ADGRA2: variants seen among roughly 807,000 people sequenced by gnomAD.
ADGRA2 encodes G-protein coupled receptor 124.
ADGRA2 carries 61 observed loss-of-function variants against 98.7 expected under a neutral mutation model. The ratio of observed to expected loss-of-function variants is 0.62; its 90% CI spans 0.50 to 0.76. The LOEUF is 0.76. Ranked by LOEUF, ADGRA2 falls within the 30% of genes least tolerant of loss-of-function variation. The pLI, the probability that ADGRA2 is intolerant of heterozygous loss-of-function variation, is 0.00. For missense variants in ADGRA2, 1,712 were observed against 1,860.0 expected (o/e 0.92, Z 1.46); for synonymous variants, 858 against 831.5 (o/e 1.03, Z -0.55).
At chr8:37,806,306 A>G (rs1804656666) in intron 1 of ADGRA2, among the ~76,000 whole-genome samples, 1 of 152,124 alleles carries the variant, frequency 6.6e-6, no homozygotes, top group Admixed American at 6.5e-5. Flanking sequence ...TGAATGAATG[A>G]ATGGATGAAT....
At chr8:37,807,963 T>C (rs1804724311) in intron 1 of ADGRA2, among the ~76,000 whole-genome samples, 2 of 152,184 alleles carry the variant, frequency 1.3e-5, no homozygotes, top group Non-Finnish European at 2.9e-5. Context: ...ATCTTTGATG[T>C]TGGGGTGGTA....
At position 37,828,841 on chromosome 8, in the gene ADGRA2, G is replaced by A. The variant is rs767642861; in HGVS notation, c.339-47G>A. Reference sequence around the variant, plus strand: ...GAGGACCCCTCCCGGGGAGCAGGGCGGCTCCAGCGGGGAGAGGTGTGAGGG... The same window carrying A: ...GAGGACCCCTCCCGGGGAGCAGGGCAGCTCCAGCGGGGAGAGGTGTGAGGG... On this transcript the variant is annotated intron_variant, in intron 2 of 18. Transcript: ENST00000412232. 102 of 1,480,480 alleles carry A rather than the reference G, an allele frequency of 6.9e-5. No homozygotes were observed. The Admixed American group carries it at 9.2e-4, about 13-fold the overall frequency. 91.7% of individuals were successfully genotyped at this position (1,480,480 alleles called of 1,614,324 possible).
At position 37,844,458 on chromosome 8, in the gene ADGRA2, G is replaced by T. The variant is rs1162252438; in HGVS notation, c.*2103G>T. 1 of 1,602,850 alleles carries T rather than the reference G, an allele frequency of 6.2e-7. No homozygotes were observed. The highest frequency in any genetic ancestry group is 1.1e-5 in the South Asian group (1 of 89,862). On this transcript the variant is annotated 3_prime_UTR_variant, in exon 19 of 19. Transcript: ENST00000412232. ...TAACAGGAATGTTATCAAGCTGTCA[G>T]AACAGGATGAAGTGCTCCCAGTGGA...
rs114789658 is a variant in ADGRA2 at position 37,814,350 on chromosome 8, G to A, written c.267-546G>A. Among the ~76,000 whole-genome samples, 649 of 152,316 alleles carry A rather than the reference G, an allele frequency of 4.3e-3. 6 individuals are homozygous for A. The highest frequency in any genetic ancestry group is 0.014 in the African/African-American group (598 of 41,570). ...CAGAAGGCTTAGGAGGCCAGGATGCGGCCACTGTGCACTCAGGCCCTCTGA... is the reference window on the plus strand; with the variant it reads ...CAGAAGGCTTAGGAGGCCAGGATGCAGCCACTGTGCACTCAGGCCCTCTGA... On this transcript the variant is annotated intron_variant, in intron 1 of 18. Transcript: ENST00000412232. This position sits in a 1 kb window ranked among gnomAD's most constrained non-coding sequence, Gnocchi z 4.3.
Position 37,841,938 on chromosome 8 carries a change from G to C in ADGRA2, c.3600G>C (p.Arg1200=). 6.6e-7 allele frequency: 1 copy of C among 1,516,494 alleles called. No individual in the cohort carries two copies. The allele number at this position is 1,516,494 out of a possible 1,614,324, so 93.9% of individuals were successfully genotyped here. The part of the protein sequence containing the change: ...HRAGEACGKN[R]LKALRGGAAG... ...CGGGGGAGGCCTGCGGCAAGAACCG[G>C]CTCAAGGCCCTGCGCGGGGGCGCGG... Residue 1200 remains arginine, a synonymous_variant, in exon 19 of 19, where the codon CGG becomes CGC. Coordinates refer to ENST00000412232, the MANE Select transcript of ADGRA2 (RefSeq NM_032777.10). This position sits in a 1 kb window ranked among gnomAD's most constrained non-coding sequence, Gnocchi z 5.0.
intron 2 of ADGRA2, among the ~76,000 whole-genome samples, chr8:37,820,547 ACTGAT>A (rs1395753182): frequency 1.3e-5 from 2 of 152,232 alleles, no homozygotes; most frequent in Non-Finnish European, 2.9e-5. Flanking sequence ...CTCAGGAAAC[ACTGAT>A]CCCTCTGTCC....
At chr8:37,804,100 G>GACACACACAAACAC (rs1804581750) in intron 1 of ADGRA2, among the ~76,000 whole-genome samples, 1 of 107,104 alleles carries the variant, frequency 9.3e-6, no homozygotes, top group Non-Finnish European at 1.8e-5. Flanking sequence ...CCCACGGTGA[G>GACACACACAAACAC]ACACACACAC....
chr8:37,811,316 C>A (rs184741621), intron 1 of ADGRA2, among the ~76,000 whole-genome samples: 5 of 142,530 alleles, frequency 3.5e-5, no homozygotes, highest in Admixed American at 2.8e-4. Flanking sequence ...ATTACAGGCG[C>A]CTGCCACCAC....
intron 1 of ADGRA2, among the ~76,000 whole-genome samples, chr8:37,810,178 T>A (rs1174977770): frequency 4.6e-5 from 7 of 151,284 alleles, no homozygotes; most frequent in Admixed American, 4.0e-4. Context: ...TATATAAAAA[T>A]ATATATATAT....
At chr8:37,825,996 G>A (rs1446288828) in intron 2 of ADGRA2, among the ~76,000 whole-genome samples, 2 of 152,208 alleles carry the variant, frequency 1.3e-5, no homozygotes. Flanking sequence ...CTGGGCTGCA[G>A]GAAATCGAGG....
intron 9 of ADGRA2, 52 bp from the exon 10 acceptor site, chr8:37,833,636 C>CG: frequency 1.9e-6 from 3 of 1,592,836 alleles, no homozygotes; most frequent in Non-Finnish European, 2.6e-6. Flanking sequence ...AGGGGCAGTT[C>CG]GGGGGCAGAA....
intron 2 of ADGRA2, among the ~76,000 whole-genome samples, chr8:37,823,200 T>TC (rs1290167951): frequency 6.6e-6 from 1 of 150,836 alleles, no homozygotes; most frequent in Non-Finnish European, 1.5e-5. Context: ...CTTTTTTTTT[T>TC]TTTTTTTTTG....
intron 4 of ADGRA2, 37 bp from the exon 5 acceptor site, chr8:37,829,451 C>T: frequency 1.3e-6 from 2 of 1,581,118 alleles, no homozygotes; most frequent in Non-Finnish European, 1.7e-6. Flanking sequence ...CATGGACACC[C>T]TAAGACCCCA....
At chr8:37,806,520 C>CTTT (rs1184569639) in intron 1 of ADGRA2, among the ~76,000 whole-genome samples, 2 of 85,496 alleles carry the variant, frequency 2.3e-5, no homozygotes, top group African/African-American at 7.4e-5. Flanking sequence ...TTTCTTTTTT[C>CTTT]TTTTTCTTTT....
chr8:37,799,896 C>T lies in ADGRA2; in HGVS notation c.266+2362C>T, dbSNP rs191184453. On this transcript the variant is annotated intron_variant, in intron 1 of 18. Transcript: ENST00000412232. ...ACTGCTTAGCTCTCCCACCAGACTT[C>T]GCATAATCCTCATCCTCATGGCACC... Among the ~76,000 whole-genome samples the T allele has an allele frequency of 2.2e-3, 342 of 152,260 alleles. 6 individuals are homozygous for T. Among genetic ancestry groups the T allele is most frequent in the Admixed American group, 0.017 (264 of 15,292 alleles).
chr8:37,826,040 C>T (rs1805270383), intron 2 of ADGRA2, among the ~76,000 whole-genome samples: 2 of 152,072 alleles, frequency 1.3e-5, no homozygotes, highest in Admixed American at 6.5e-5. Context: ...GACGCCGCCT[C>T]GCTCCCATCT....
chr8:37,836,412 C>G (rs1805617611), intron 13 of ADGRA2, among the ~76,000 whole-genome samples: 1 of 152,126 alleles, frequency 6.6e-6, no homozygotes, highest in Non-Finnish European at 1.5e-5. Flanking sequence ...GGGCGGAGAC[C>G]AGGGCAGAGG....
intron 2 of ADGRA2, among the ~76,000 whole-genome samples, chr8:37,828,267 G>C (rs985610290): frequency 6.6e-6 from 1 of 152,140 alleles, no homozygotes; most frequent in Non-Finnish European, 1.5e-5. Flanking sequence ...ATTTTCAAAT[G>C]CTTCCCAGGG....
At chr8:37,818,889 C>A (rs1805053919) in intron 2 of ADGRA2, among the ~76,000 whole-genome samples, 1 of 152,030 alleles carries the variant, frequency 6.6e-6, no homozygotes, top group African/African-American at 2.4e-5. Flanking sequence ...GGGCCTGAGA[C>A]CTGAAGGGAC....
Sources: gnomAD v4.1 joint callset for allele counts (sites outside exome capture counted in the v4.1 genomes callset) on GRCh38, gnomAD v4.1.1 for gene constraint, Gnocchi (gnomAD v3.1) non-coding constraint, MANE v1.5 for transcripts, NCBI Gene and HGNC (gene_info 2026-07-23, HGNC 2026-07-21) for gene names.